PCDH9: variants seen among roughly 807,000 people sequenced by gnomAD.
PCDH9 encodes the protein protocadherin 9.
A neutral mutation model predicts 70.6 loss-of-function variants in PCDH9; 24 were observed. The observed-to-expected ratio is 0.34, with a 90% CI of 0.25 to 0.48. The LOEUF (loss-of-function observed/expected upper bound fraction) is 0.48. Among genes scored for constraint, PCDH9 ranks in the 20% least tolerant of loss-of-function variants. The probability of loss-of-function intolerance (pLI) is 0.99; values close to 1 mark genes in which losing one functional copy is unlikely to be tolerated. For missense variants in PCDH9, 1,281 were observed against 1,503.6 expected (o/e 0.85, Z 2.45); for synonymous variants, 562 against 558.5 (o/e 1.01, Z -0.09).
At chr13:66,466,301 A>C (rs1436415810) in intron 4 of PCDH9, among the ~76,000 whole-genome samples, 1 of 151,894 alleles carries the variant, frequency 6.6e-6, no homozygotes, top group Non-Finnish European at 1.5e-5. Context: ...AATTCAACAA[A>C]TCCATTCTTG....
At chr13:66,653,768 C>T (rs945582720) in intron 3 of PCDH9, among the ~76,000 whole-genome samples, 1 of 151,936 alleles carries the variant, frequency 6.6e-6, no homozygotes, top group Non-Finnish European at 1.5e-5. Flanking sequence ...GAGACCCAGA[C>T]CATCCTGGCT....
intron 3 of PCDH9, among the ~76,000 whole-genome samples, chr13:66,883,159 T>C (rs1441353621): frequency 6.6e-6 from 1 of 152,200 alleles, no homozygotes; most frequent in African/African-American, 2.4e-5. Flanking sequence ...GAAATCCCTT[T>C]ATATATATCT....
At chr13:66,693,455 T>C (rs368906066) in intron 3 of PCDH9, among the ~76,000 whole-genome samples, 1 of 152,276 alleles carries the variant, frequency 6.6e-6, no homozygotes, top group East Asian at 1.9e-4. Context: ...GACTTGAATA[T>C]GATAATTACC....
chr13:66,890,479 C>T (rs1173104157), intron 3 of PCDH9, among the ~76,000 whole-genome samples: 2 of 128,618 alleles, frequency 1.6e-5, no homozygotes, highest in African/African-American at 2.9e-5. Flanking sequence ...TTGGTTAAGG[C>T]ATTTACTCTA....
chr13:66,647,085 G>T (rs1318288257), intron 3 of PCDH9, among the ~76,000 whole-genome samples: 1 of 152,114 alleles, frequency 6.6e-6, no homozygotes, highest in Non-Finnish European at 1.5e-5. Flanking sequence ...AAGTGCTCTG[G>T]AGTGCTAAAT....
At chr13:66,486,494 G>C (rs1566363504) in intron 4 of PCDH9, among the ~76,000 whole-genome samples, 1 of 151,908 alleles carries the variant, frequency 6.6e-6, no homozygotes, top group Non-Finnish European at 1.5e-5. Flanking sequence ...AAATTAGCCA[G>C]GCATGATGGC....
At chr13:66,315,490 T>C (rs746840296) in intron 4 of PCDH9, among the ~76,000 whole-genome samples, 2 of 152,202 alleles carry the variant, frequency 1.3e-5, no homozygotes, top group Non-Finnish European at 2.9e-5. Flanking sequence ...TCTTTTTTTT[T>C]TGTTTTTTTG....
intron 2 of PCDH9, among the ~76,000 whole-genome samples, chr13:66,931,490 A>G (rs1443140387): frequency 3.3e-5 from 5 of 152,146 alleles, no homozygotes; most frequent in Non-Finnish European, 7.4e-5. Flanking sequence ...CCTCAGGAAA[A>G]TGTAAGTGAA....
chr13:66,719,966 A>T (rs2078920088), intron 3 of PCDH9, among the ~76,000 whole-genome samples: 1 of 152,190 alleles, frequency 6.6e-6, no homozygotes, highest in Non-Finnish European at 1.5e-5. Context: ...AGAAGGAAGT[A>T]TCTGTGGACT....
rs528978425 is a variant in PCDH9 at position 66,720,294 on chromosome 13, T to C, written c.3139-88883A>G. Among the ~76,000 whole-genome samples, 9 of 151,098 alleles carry C rather than the reference T, an allele frequency of 6.0e-5. No homozygotes were observed. The East Asian group carries it at 1.8e-3, about 30-fold the overall frequency. On this transcript the variant is annotated intron_variant, in intron 3 of 4. Coordinates refer to ENST00000377865, the MANE Select transcript of PCDH9 (RefSeq NM_203487.3). ...CTGAGTAGCTGGGTTTACAGGCACG[T>C]GCTACCATACCTGGCTAATTTTTGC...
chr13:67,193,231 A>G (rs2088965675), intron 2 of PCDH9, among the ~76,000 whole-genome samples: 1 of 152,010 alleles, frequency 6.6e-6, no homozygotes, highest in Non-Finnish European at 1.5e-5. Flanking sequence ...AGTAAATCCC[A>G]TACCAAAAAT....
chr13:67,117,342 T>C (rs2086798093), intron 2 of PCDH9, among the ~76,000 whole-genome samples: 2 of 152,300 alleles, frequency 1.3e-5, no homozygotes, highest in East Asian at 1.9e-4. Context: ...ATTGTCCTTC[T>C]TGAAGAATTC....
intron 4 of PCDH9, among the ~76,000 whole-genome samples, chr13:66,541,976 C>A (rs1219671546): frequency 6.6e-6 from 1 of 152,052 alleles, no homozygotes; most frequent in East Asian, 1.9e-4. Flanking sequence ...TAATGAGGCT[C>A]TTTTAATTTT....
chr13:66,736,652 G>C (rs2079153313), intron 3 of PCDH9, among the ~76,000 whole-genome samples: 1 of 152,212 alleles, frequency 6.6e-6, no homozygotes. Context: ...ACAATTGCTT[G>C]TTCAGGCATT....
At chr13:66,701,635 A>G (rs1235539428) in intron 3 of PCDH9, among the ~76,000 whole-genome samples, 3 of 152,168 alleles carry the variant, frequency 2.0e-5, no homozygotes, top group Non-Finnish European at 2.9e-5. Flanking sequence ...ACAAGGCTTC[A>G]TCAACAACTG....
chr13:66,543,672 T>C (rs1961062245), intron 4 of PCDH9, among the ~76,000 whole-genome samples: 1 of 151,928 alleles, frequency 6.6e-6, no homozygotes, highest in South Asian at 2.1e-4. Flanking sequence ...TTAAAGAGGG[T>C]ATACAGAAAA....
At chr13:66,517,795 T>C (rs1959808197) in intron 4 of PCDH9, among the ~76,000 whole-genome samples, 1 of 152,180 alleles carries the variant, frequency 6.6e-6, no homozygotes, top group South Asian at 2.1e-4. Context: ...TTTTTTCCTC[T>C]TAATGATTTT....
chr13:66,305,019 A>G lies in PCDH9; in HGVS notation c.3350T>C (p.Leu1117Ser). ...GNSDPNSDGP[L>S]GPRGLAEATE... ...AGCTTCAGCTAATCCTCGGGGACCC[A>G]AAGGCCCATCTGCAGAAGACAAGAG... The change falls in exon 5 of 5, where the codon TTG (leucine) becomes TCG (serine). Residue 1117 changes from leucine to serine, a missense_variant. Physicochemically the swap from Leu to Ser is moderately radical, Grantham distance 145. Around this residue, in one of 4 missense-constraint regions of PCDH9, gnomAD observed 264 missense variants for 278.8 expected, o/e 0.95. Coordinates refer to ENST00000377865, the MANE Select transcript of PCDH9 (RefSeq NM_203487.3). 1 of 1,609,762 alleles carries G rather than the reference A, an allele frequency of 6.2e-7. No individual in the cohort carries two copies. The highest frequency in any genetic ancestry group is 8.5e-7 in the Non-Finnish European group (1 of 1,177,192).
At chr13:66,588,336 C>T (rs1160685631) in intron 4 of PCDH9, among the ~76,000 whole-genome samples, 1 of 151,986 alleles carries the variant, frequency 6.6e-6, no homozygotes, top group Non-Finnish European at 1.5e-5. Flanking sequence ...TCCTTTAAGA[C>T]CATTGTATCC....
Sources: allele counts gnomAD v4.1 joint callset (sites outside exome capture counted in the v4.1 genomes callset), GRCh38; gene constraint gnomAD v4.1.1; regional missense constraint gnomAD v4.1.1; transcripts MANE v1.5; gene names NCBI Gene and HGNC (gene_info 2026-07-23, HGNC 2026-07-21).